MYBL2: variants seen among roughly 807,000 people sequenced by gnomAD.
MYBL2 encodes the protein MYB proto-oncogene like 2.
In MYBL2, 28 loss-of-function variants were observed where a neutral mutation model predicts 79.9. That is an observed-to-expected ratio of 0.35 (90% CI 0.26 to 0.48). The LOEUF (loss-of-function observed/expected upper bound fraction) is 0.48, where lower values mean the gene tolerates loss of function less well. Ranked by LOEUF, MYBL2 falls within the 20% of genes least tolerant of loss-of-function variation. The pLI, the probability that MYBL2 is intolerant of heterozygous loss-of-function variation, is 0.99. For missense variants in MYBL2, 735 were observed against 893.9 expected, an observed-to-expected ratio of 0.82 and a Z score of 2.27; for synonymous variants, 378 against 361.2, an observed-to-expected ratio of 1.05 and a Z score of -0.53.
rs1198860989 is a variant in MYBL2 at position 43,711,515 on chromosome 20, T to G, written c.1633T>G (p.Leu545Val). The change falls in exon 11 of 14, where the codon TTG (leucine) becomes GTG (valine). Residue 545 changes from leucine to valine, a missense_variant. Around this residue, in one of 5 missense-constraint regions of MYBL2, gnomAD observed 204 missense variants for 202.9 expected, o/e 1.01. Coordinates refer to ENST00000217026, the MANE Select transcript of MYBL2 (RefSeq NM_002466.4). ...LPQTPHLEED[L>V]KEVLRSEAGI... is the part of the protein sequence containing the mutation. ...ACAGACCCCGCACCTGGAGGAGGACTTGAAGGAGGTGCTGCGTTCTGAGGC... is the reference window on the plus strand; with the variant it reads ...ACAGACCCCGCACCTGGAGGAGGACGTGAAGGAGGTGCTGCGTTCTGAGGC... 6.2e-7 allele frequency: 1 copy of G among 1,613,618 alleles called. No individual in the cohort carries two copies. Among genetic ancestry groups the G allele is most frequent in the South Asian group, 1.1e-5 (1 of 90,980 alleles).
chr20:43,700,082 A>G, intron 7 of MYBL2, 38 bp downstream of exon 7: 1 of 1,595,426 alleles, frequency 6.3e-7, no homozygotes, highest in Non-Finnish European at 8.5e-7. Flanking sequence ...AGCACAGAAC[A>G]CCCCCAGCAG....
rs538522204 is a variant in MYBL2, at chr20:43,705,456, C to T, written c.1505+98C>T. The T allele has an allele frequency of 1.2e-4, 160 of 1,369,844 alleles. 2 individuals are homozygous for T. The East Asian group carries it at 3.4e-3, about 29-fold the overall frequency. 84.9% of individuals were successfully genotyped at this position (1,369,844 alleles called of 1,614,324 possible). A position where few individuals can be genotyped will look rare whatever the true frequency, so the allele number is the denominator to read the frequency against. On this transcript the variant is annotated intron_variant, in intron 9 of 13. Coordinates refer to ENST00000217026, the MANE Select transcript of MYBL2 (RefSeq NM_002466.4). ...CTGGTGGAACAGTGGGGAGGGGGCACCCTTGGAATAACACTGAAGACTGTT... is the reference window on the plus strand; with the variant it reads ...CTGGTGGAACAGTGGGGAGGGGGCATCCTTGGAATAACACTGAAGACTGTT...
At chr20:43,667,770 T>C (rs1259756382) in intron 1 of MYBL2, among the ~76,000 whole-genome samples, 2 of 152,096 alleles carry the variant, frequency 1.3e-5, no homozygotes, top group Middle Eastern at 3.2e-3. Context: ...GTGGGTGGGC[T>C]TTGCTCCTTA....
intron 4 of MYBL2, among the ~76,000 whole-genome samples, 171 bp from the exon 5 acceptor site, chr20:43,686,681 T>G (rs1442393447): frequency 6.6e-6 from 1 of 152,184 alleles, no homozygotes; most frequent in African/African-American, 2.4e-5. Context: ...CCCTGTGGGC[T>G]ACACAAAGTC....
intron 2 of MYBL2, among the ~76,000 whole-genome samples, chr20:43,676,885 T>C (rs941415842): frequency 1.3e-5 from 2 of 152,098 alleles, no homozygotes; most frequent in African/African-American, 4.8e-5. Context: ...TGGGTTTTTT[T>C]TTTTGTATTG....
intron 6 of MYBL2, among the ~76,000 whole-genome samples, chr20:43,695,549 G>C (rs1371444931): frequency 1.3e-5 from 2 of 152,148 alleles, no homozygotes; most frequent in African/African-American, 4.8e-5. Context: ...AAATATATTT[G>C]GTGGTGGGGG....
At chr20:43,677,825 C>T (rs981876065) in intron 2 of MYBL2, among the ~76,000 whole-genome samples, 7 of 152,244 alleles carry the variant, frequency 4.6e-5, no homozygotes, top group Admixed American at 2.0e-4. Flanking sequence ...TCATTGAGAA[C>T]GGGCCATGAT....
intron 2 of MYBL2, among the ~76,000 whole-genome samples, chr20:43,674,391 A>AT (rs3091618): frequency 8.5e-4 from 116 of 135,942 alleles, no homozygotes; most frequent in African/African-American, 2.6e-3. Flanking sequence ...CATCCAGCTA[A>AT]TTTTTTTTTT....
At chr20:43,692,525 TAA>T (rs1440805371) in intron 6 of MYBL2, among the ~76,000 whole-genome samples, 1 of 152,214 alleles carries the variant, frequency 6.6e-6, no homozygotes, top group South Asian at 2.1e-4. Flanking sequence ...GCTGATTATA[TAA>T]AACTGTGAAT....
At chr20:43,673,295 A>T (rs1986911633) in intron 1 of MYBL2, among the ~76,000 whole-genome samples, 1 of 151,420 alleles carries the variant, frequency 6.6e-6, no homozygotes, top group Admixed American at 6.6e-5. Context: ...CATTCCTGAA[A>T]ATAAAAAAGA....
rs1568855176 is a variant in MYBL2, at chr20:43,683,550, CAT to C, written c.279+665_279+666del. 2.2e-4 allele frequency among the ~76,000 whole-genome samples: 28 copies of C among 126,412 alleles called. 3 individuals carry two copies. The highest frequency in any genetic ancestry group is 2.7e-4 in the Non-Finnish European group (16 of 59,758). The allele number at this position is 126,412 out of a possible 152,430, so 82.9% of individuals were successfully genotyped here. The stretch of plus-strand genomic sequence containing the variant: ...AAAGAGGGAGATGAAGGGAACTAGG[CAT>C]TTTTTTTTTTTTTTTTTTTGAGACG... On this transcript the variant is annotated intron_variant, in intron 4 of 13. Coordinates refer to ENST00000217026, the MANE Select transcript of MYBL2 (RefSeq NM_002466.4).
intron 2 of MYBL2, among the ~76,000 whole-genome samples, chr20:43,681,484 C>G (rs1987141278): frequency 1.3e-5 from 2 of 152,210 alleles, no homozygotes; most frequent in African/African-American, 4.8e-5. Context: ...TTCCTTGGAA[C>G]CTGTCCCTTA....
In MYBL2 at chr20:43,695,526, C is replaced by G. The variant is rs190189529; in HGVS notation, c.663+3207C>G. ...TTGTGCAGTTATTTCTTGAGAAATT[C>G]CTAGAGATGGACAAATATATTTGGT... On this transcript the variant is annotated intron_variant, in intron 6 of 13. Coordinates refer to ENST00000217026, the MANE Select transcript of MYBL2 (RefSeq NM_002466.4). Among the ~76,000 whole-genome samples, 17 of 152,236 alleles carry G rather than the reference C, an allele frequency of 1.1e-4. No individual in the cohort carries two copies. In the East Asian group the frequency reaches 3.3e-3, roughly 29 times the overall value.
chr20:43,700,551 C>T (rs1987656251), intron 7 of MYBL2, among the ~76,000 whole-genome samples: 1 of 152,062 alleles, frequency 6.6e-6, no homozygotes, highest in South Asian at 2.1e-4. Context: ...TTGAGGAGGG[C>T]TTCTTGGTGT....
At chr20:43,669,492 C>A (rs1986809889) in intron 1 of MYBL2, among the ~76,000 whole-genome samples, 1 of 152,238 alleles carries the variant, frequency 6.6e-6, no homozygotes, top group Non-Finnish European at 1.5e-5. Flanking sequence ...TAGTGCCCCA[C>A]TTCCCGCTTT....
chr20:43,712,979 C>T (rs989656429), intron 11 of MYBL2, 23 bp from the exon 12 acceptor site: 13 of 1,580,770 alleles, frequency 8.2e-6, no homozygotes, highest in Admixed American at 3.5e-5. Flanking sequence ...CACCCTAACC[C>T]CCTTCTATCT....
chr20:43,675,038 C>T (rs1986971253), intron 2 of MYBL2, among the ~76,000 whole-genome samples: 1 of 151,784 alleles, frequency 6.6e-6, no homozygotes, highest in Admixed American at 6.6e-5. Flanking sequence ...GCTGGAGTGC[C>T]GTGCTAGCAT....
At chr20:43,689,101 T>G (rs1204588390) in intron 5 of MYBL2, among the ~76,000 whole-genome samples, 1 of 152,206 alleles carries the variant, frequency 6.6e-6, no homozygotes, top group Non-Finnish European at 1.5e-5. Context: ...CTAAGCTGGA[T>G]ATTGTTCCCC....
intron 12 of MYBL2, among the ~76,000 whole-genome samples, chr20:43,713,775 G>A (rs887491560): frequency 3.9e-5 from 6 of 152,192 alleles, no homozygotes; most frequent in Non-Finnish European, 8.8e-5. Context: ...TGGACTTGCT[G>A]TGCCGGGTGC....
Sources: allele counts gnomAD v4.1 joint callset (sites outside exome capture counted in the v4.1 genomes callset), GRCh38; gene constraint gnomAD v4.1.1; regional missense constraint gnomAD v4.1.1; transcripts MANE v1.5; gene names NCBI Gene and HGNC (gene_info 2026-07-23, HGNC 2026-07-21).